The following ARID1B variants were observed in gnomAD, a reference collection of about 807,000 sequenced individuals.
ARID1B encodes the protein AT-rich interactive domain-containing protein 1B.
Under a neutral mutation model 212.3 loss-of-function variants are expected in ARID1B, and 30 were observed. The observed-to-expected ratio is 0.14, with a 90% confidence interval of 0.11 to 0.19. The LOEUF (loss-of-function observed/expected upper bound fraction) is 0.19, where lower values mean the gene tolerates loss of function less well. ARID1B is among the 10% of genes least tolerant of loss of function. The pLI, the probability that ARID1B is intolerant of heterozygous loss-of-function variation, is 1.00. For missense variants in ARID1B, 2,891 were observed against 3,204.0 expected, an observed-to-expected ratio of 0.90 and a Z score of 2.36; for synonymous variants, 1,402 against 1,301.7, an observed-to-expected ratio of 1.08 and a Z score of -1.66.
At position 156,930,634 on chromosome 6, in the gene ARID1B, G is replaced by A. The variant is rs538500525; in HGVS notation, c.2137-4832G>A. 2.3e-3 allele frequency among the ~76,000 whole-genome samples: 345 copies of A among 152,176 alleles called. 1 individual carries two copies. Among genetic ancestry groups the A allele is most frequent in the Non-Finnish European group, 4.2e-3 (286 of 68,010 alleles). On this transcript the variant is annotated intron_variant, in intron 3 of 19. Coordinates refer to ENST00000636930, the MANE Select transcript of ARID1B (RefSeq NM_001374828.1). ...GTGCTGTATGAAGAACGGAAGACTG[G>A]AAACAACCTAAATGTACATCAATAA...
intron 7 of ARID1B, among the ~76,000 whole-genome samples, chr6:157,138,383 G>T (rs972126819): frequency 6.6e-6 from 1 of 152,140 alleles, no homozygotes. Flanking sequence ...CCACAGACAT[G>T]CACCCCACGC....
Position 157,060,630 on chromosome 6 carries a change from CTTTTTTTTTTTT to C in ARID1B, c.2248-24017_2248-24006del, listed in dbSNP as rs56870548. On this transcript the variant is annotated intron_variant, in intron 4 of 19. Coordinates refer to ENST00000636930, the MANE Select transcript of ARID1B (RefSeq NM_001374828.1). Reference sequence around the variant, plus strand: ...TAATATATGTGAAGCAAAATCTGAACTTTTTTTTTTTTTTTTTTTTTTTTTTACTATTCTTTC... The same window carrying C: ...TAATATATGTGAAGCAAAATCTGAACTTTTTTTTTTTTTTACTATTCTTTC... 3.1e-3 allele frequency among the ~76,000 whole-genome samples: 224 copies of C among 72,044 alleles called. 4 individuals carry two copies. Among genetic ancestry groups the C allele is most frequent in the African/African-American group, 0.014 (218 of 15,964 alleles). The allele number at this position is 72,044 out of a possible 152,430, so 47.3% of individuals were successfully genotyped here. A position where few individuals can be genotyped will look rare whatever the true frequency, so the allele number is the denominator to read the frequency against.
intron 1 of ARID1B, among the ~76,000 whole-genome samples, chr6:156,783,473 G>T (rs757794859): frequency 1.3e-5 from 2 of 152,060 alleles, no homozygotes; most frequent in East Asian, 3.9e-4. Flanking sequence ...AATAGAATGC[G>T]GTTGAGTTTT....
At chr6:157,068,928 G>C (rs1562592356) in intron 4 of ARID1B, among the ~76,000 whole-genome samples, 1 of 152,172 alleles carries the variant, frequency 6.6e-6, no homozygotes, top group African/African-American at 2.4e-5. Context: ...CCGGACCTCT[G>C]TTTCACATTT....
At chr6:156,933,224 C>T (rs1791894590) in intron 3 of ARID1B, among the ~76,000 whole-genome samples, 2 of 151,924 alleles carry the variant, frequency 1.3e-5, no homozygotes, top group South Asian at 4.2e-4. Context: ...TTACTATTTC[C>T]TAGCTGAAGT....
intron 4 of ARID1B, among the ~76,000 whole-genome samples, chr6:156,997,659 G>GT (rs60189073): frequency 0.047 from 5,973 of 126,834 alleles, 198 homozygotes; most frequent in African/African-American, 0.1. Context: ...ATTTTAACTT[G>GT]TTTTTTTTTT....
chr6:156,803,472 C>T (rs1330324621), intron 1 of ARID1B, among the ~76,000 whole-genome samples: 1 of 152,078 alleles, frequency 6.6e-6, no homozygotes, highest in Non-Finnish European at 1.5e-5. Context: ...CTTTATCCAT[C>T]CACCATCTTC....
intron 4 of ARID1B, among the ~76,000 whole-genome samples, chr6:156,970,206 G>C (rs1776826374): frequency 6.6e-6 from 1 of 151,930 alleles, no homozygotes; most frequent in Admixed American, 6.6e-5. Flanking sequence ...TCAGCCTCCT[G>C]AGTAGCTGGG....
Position 156,955,456 on chromosome 6 carries a change from A to G in ARID1B, c.2247+19880A>G, listed in dbSNP as rs1219423270. ...CGCTATAGTCCTTTCTGTATATGTT[A>G]TAGTGCTGTCTTCCAGAATGACTTA... is the stretch of plus-strand genomic sequence containing the variant. On this transcript the variant is annotated intron_variant, in intron 4 of 19. Coordinates refer to ENST00000636930, the MANE Select transcript of ARID1B (RefSeq NM_001374828.1). This position sits in a 1 kb window ranked among gnomAD's most constrained non-coding sequence, Gnocchi z 4.2. Among the ~76,000 whole-genome samples, 2 of 152,234 alleles carry G rather than the reference A, an allele frequency of 1.3e-5. No individual in the cohort carries two copies. Among genetic ancestry groups the G allele is most frequent in the Non-Finnish European group, 2.9e-5 (2 of 68,044 alleles).
chr6:157,062,746 C>T (rs936544446), intron 4 of ARID1B, among the ~76,000 whole-genome samples: 5 of 149,536 alleles, frequency 3.3e-5, no homozygotes, highest in African/African-American at 1.2e-4. Context: ...TTTTGTTGCC[C>T]AAGCTGGAAT....
intron 10 of ARID1B, among the ~76,000 whole-genome samples, chr6:157,174,554 A>G (rs527470984): frequency 4.0e-5 from 6 of 149,792 alleles, no homozygotes; most frequent in Admixed American, 2.0e-4. Context: ...TCTTTCTTTC[A>G]TAAGGGGTAA....
chr6:157,131,286 G>A (rs766028369), intron 6 of ARID1B, among the ~76,000 whole-genome samples: 5 of 152,186 alleles, frequency 3.3e-5, no homozygotes, highest in African/African-American at 4.8e-5. Flanking sequence ...TGGAGCTAAT[G>A]TTTTAGTGGG....
Position 157,168,865 on chromosome 6 carries a change from T to A in ARID1B, c.3235+1680T>A, listed in dbSNP as rs184785925. The A allele has an allele frequency of 3.0e-4, 45 of 152,344 alleles. 1 individual carries two copies. In the Middle Eastern group the frequency reaches 0.017, roughly 58 times the overall value. The allele number at this position is 152,344 out of a possible 1,614,324, so 9.4% of individuals were successfully genotyped here. ...GTATTTTTTTACTGCATTGTACATT[T>A]TGAAACATTGAATTTTTAATAATTT... On this transcript the variant is annotated intron_variant, in intron 9 of 19. Transcript: ENST00000636930.
chr6:157,039,318 A>ATTTC (rs1554287043), intron 4 of ARID1B, among the ~76,000 whole-genome samples: 2 of 112,828 alleles, frequency 1.8e-5, no homozygotes, highest in African/African-American at 3.7e-5. Context: ...GAAATTTGAC[A>ATTTC]TTTCTTTTTT....
At chr6:156,849,968 G>A (rs1041891702) in intron 2 of ARID1B, among the ~76,000 whole-genome samples, 2 of 150,148 alleles carry the variant, frequency 1.3e-5, no homozygotes, top group Non-Finnish European at 3.0e-5. Context: ...GGATGTTTTT[G>A]CACAAAGTGG....
At chr6:157,036,743 C>T in intron 4 of ARID1B, 1 of 458,244 alleles carries the variant, frequency 2.2e-6, no homozygotes, top group South Asian at 1.6e-5. Context: ...TCAGAACTCT[C>T]AATTCTAGGC....
chr6:156,886,118 G>A (rs1406511869), intron 2 of ARID1B, among the ~76,000 whole-genome samples: 1 of 152,160 alleles, frequency 6.6e-6, no homozygotes, highest in Admixed American at 6.5e-5. Context: ...CTGATCCCAA[G>A]CATTTCAGAT....
intron 8 of ARID1B, among the ~76,000 whole-genome samples, chr6:157,156,711 G>A (rs139773025): frequency 0.046 from 6,934 of 152,224 alleles, 509 homozygotes; most frequent in African/African-American, 0.16. Flanking sequence ...AGGCGCGGGA[G>A]CCTCAACTCC....
intron 1 of ARID1B, among the ~76,000 whole-genome samples, chr6:156,827,885 G>A (rs569862175): frequency 7.5e-5 from 11 of 147,404 alleles, no homozygotes; most frequent in Non-Finnish European, 1.0e-4. Context: ...CTCAGCCTCC[G>A]GAGTAGCTGG....
Sources: allele counts gnomAD v4.1 joint callset (sites outside exome capture counted in the v4.1 genomes callset), GRCh38; gene constraint gnomAD v4.1.1; non-coding constraint Gnocchi (gnomAD v3.1); transcripts MANE v1.5; gene names NCBI Gene and HGNC (gene_info 2026-07-23, HGNC 2026-07-21).